Variants in LRRC63 observed in about 807,000 individuals in gnomAD.
The protein encoded by LRRC63 is leucine-rich repeat-containing protein 63.
In LRRC63, 40 loss-of-function variants were observed where a neutral mutation model predicts 49.5. That is an observed-to-expected ratio of 0.81 (90% CI 0.63 to 1.05). LRRC63 has a LOEUF of 1.05. Among genes scored for constraint, LRRC63 ranks in the 50% least tolerant of loss-of-function variants. The probability of loss-of-function intolerance (pLI) is 0.00; values close to 1 mark genes in which losing one functional copy is unlikely to be tolerated. For missense variants in LRRC63, 636 were observed against 663.1 expected, an observed-to-expected ratio of 0.96 and a Z score of 0.45; for synonymous variants, 191 against 221.1, an observed-to-expected ratio of 0.86 and a Z score of 1.21.
At chr13:46,221,298 TATGAA>T (rs2138370866) in intron 2 of LRRC63, among the ~76,000 whole-genome samples, 1 of 152,356 alleles carries the variant, frequency 6.6e-6, no homozygotes, top group Admixed American at 6.5e-5. Context: ...ATGATGAACA[TATGAA>T]ATGAAGTCAT....
chr13:46,226,182 CTA>C (rs916480476), intron 2 of LRRC63, among the ~76,000 whole-genome samples: 1 of 151,794 alleles, frequency 6.6e-6, no homozygotes, highest in Non-Finnish European at 1.5e-5. Flanking sequence ...AGGAGTATTG[CTA>C]TGTTGCCCAG....
At chr13:46,220,803 G>A (rs1313381719) in intron 2 of LRRC63, among the ~76,000 whole-genome samples, 2 of 152,124 alleles carry the variant, frequency 1.3e-5, no homozygotes, top group Non-Finnish European at 2.9e-5. Context: ...ATAGTTTTTG[G>A]GTTGGAGTGC....
intron 9 of LRRC63, among the ~76,000 whole-genome samples, chr13:46,273,601 T>TAAAAAAA (rs66994107): frequency 9.1e-6 from 1 of 109,466 alleles, no homozygotes; most frequent in Admixed American, 9.9e-5. Context: ...GAATCTGCCT[T>TAAAAAAA]AAAAAAAAAA....
chr13:46,241,630 A>G (rs2047064950), intron 5 of LRRC63, among the ~76,000 whole-genome samples: 2 of 152,218 alleles, frequency 1.3e-5, no homozygotes, highest in Admixed American at 1.3e-4. Context: ...TTACAAAAGA[A>G]AAACAAACAA....
Position 46,268,441 on chromosome 13 carries a change from G to A in LRRC63, c.1550+1469G>A, listed in dbSNP as rs117884844. Among the ~76,000 whole-genome samples, 29 of 152,154 alleles carry A rather than the reference G, an allele frequency of 1.9e-4. No individual in the cohort carries two copies. In the East Asian group the frequency reaches 4.4e-3, roughly 23 times the overall value. On this transcript the variant is annotated intron_variant, in intron 9 of 9. Transcript: ENST00000595396. ...TAGAAGTAATAAAAGATATGAATTC[G>A]CAGACATCATCGGGAGCTCTATAAA...
intron 9 of LRRC63, chr13:46,270,475 T>C (rs773351322): frequency 1.1e-5 from 9 of 786,014 alleles, no homozygotes; most frequent in Non-Finnish European, 1.9e-5. Flanking sequence ...CCATCTATTC[T>C]TCAAGAAAAG....
intron 7 of LRRC63, among the ~76,000 whole-genome samples, chr13:46,251,932 T>C (rs1340619827): frequency 6.6e-6 from 1 of 151,962 alleles, no homozygotes; most frequent in Non-Finnish European, 1.5e-5. Context: ...CAAATAAGTA[T>C]GAATTGTTGA....
At chr13:46,255,137 A>ATT (rs146740364) in intron 7 of LRRC63, among the ~76,000 whole-genome samples, 11,360 of 152,192 alleles carry the variant, frequency 0.075, 1,379 homozygotes, top group African/African-American at 0.26. Context: ...CCTTGAAAAC[A>ATT]TTATGCTAGG....
intron 2 of LRRC63, among the ~76,000 whole-genome samples, chr13:46,219,413 G>A (rs1403621989): frequency 6.6e-6 from 1 of 152,116 alleles, no homozygotes; most frequent in Non-Finnish European, 1.5e-5. Context: ...ACTTGTGTAT[G>A]CTTCACGAAG....
chr13:46,276,638 T>A, exon 10 of LRRC63: 1 of 1,231,446 alleles, frequency 8.1e-7, no homozygotes, highest in East Asian at 3.2e-5. Context: ...GTGAAGGTTT[T>A]CGTGTCATCC....
At chr13:46,228,075 C>T (rs1000965477) in exon 3 of LRRC63, 108 of 1,550,840 alleles carry the variant, frequency 7.0e-5, no homozygotes, top group Non-Finnish European at 8.7e-5. Context: ...AGGACAGTGG[C>T]CTGAACATTT....
intron 2 of LRRC63, among the ~76,000 whole-genome samples, chr13:46,213,328 A>C (rs2046149482): frequency 6.6e-6 from 1 of 152,214 alleles, no homozygotes. Flanking sequence ...TCATCGATAA[A>C]ATTTACTTGT....
chr13:46,254,985 T>TCAAAC (rs1380858336), intron 7 of LRRC63, among the ~76,000 whole-genome samples: 3 of 152,200 alleles, frequency 2.0e-5, no homozygotes, highest in African/African-American at 7.2e-5. Context: ...TTGTTTTTAT[T>TCAAAC]CGCAATAATC....
Position 46,255,645 on chromosome 13 carries a change from A to AAAAAAAAAAAAAAAATAT in LRRC63, c.1226+5155_1226+5156insAAAAAAAAAAAAAATATA, listed in dbSNP as rs1555328641. ...GGCAACAGAGTAAGACCCTGCCTCA[A>AAAAAAAAAAAAAAAATAT]ATATATATATATATATATATAGTTA... On this transcript the variant is annotated intron_variant, in intron 7 of 9. Transcript: ENST00000595396. 8.3e-3 allele frequency among the ~76,000 whole-genome samples: 1,078 copies of AAAAAAAAAAAAAAAATAT among 129,274 alleles called. 23 individuals carry two copies. The highest frequency in any genetic ancestry group is 0.03 in the African/African-American group (1,031 of 34,186). 84.8% of individuals were successfully genotyped at this position (129,274 alleles called of 152,430 possible).
In LRRC63 at chr13:46,227,850, A is replaced by G. The variant is rs758227084; in HGVS notation, c.424A>G (p.Thr142Ala). ...GTTTAAAACTATGAAAGATGTTTATACTGAAAAAAGGCTAGAAAACATTTT... is the reference window on the plus strand; with the variant it reads ...GTTTAAAACTATGAAAGATGTTTATGCTGAAAAAAGGCTAGAAAACATTTT... The change falls in exon 3 of 10, where the codon ACT becomes GCT. Residue 142 changes from threonine to alanine, a missense_variant. Coordinates refer to ENST00000595396, the Ensembl canonical transcript of LRRC63. 1.2e-5 allele frequency: 19 copies of G among 1,550,424 alleles called. No individual in the cohort carries two copies. The South Asian group carries it at 2.3e-4, about 18-fold the overall frequency.
intron 5 of LRRC63, among the ~76,000 whole-genome samples, chr13:46,242,697 G>C (rs2047097538): frequency 6.6e-6 from 1 of 151,488 alleles, no homozygotes; most frequent in African/African-American, 2.4e-5. Flanking sequence ...GTTCAACAGA[G>C]CCCCAGTACA....
Position 46,260,762 on chromosome 13 carries a change from G to A in LRRC63, c.1227-1147G>A, listed in dbSNP as rs190409050. 5.3e-5 allele frequency among the ~76,000 whole-genome samples: 8 copies of A among 152,278 alleles called. No individual in the cohort carries two copies. In the East Asian group the frequency reaches 1.5e-3, roughly 29 times the overall value. On this transcript the variant is annotated intron_variant, in intron 7 of 9. Transcript: ENST00000595396. ...AGATATGTGATAACTGGTTAATTCA[G>A]GGAATTTTAGCAAATAAATGCTGGA... is the stretch of plus-strand genomic sequence containing the variant.
exon 10 of LRRC63, chr13:46,276,828 GTATATATA>G (rs375853565): frequency 1.5e-5 from 2 of 137,174 alleles, no homozygotes; most frequent in Non-Finnish European, 1.3e-5. Flanking sequence ...GTATGTGTGT[GTATATATA>G]TATATATATA....
At position 46,246,580 on chromosome 13, in the gene LRRC63, A is replaced by AT. The variant is rs2047219355; in HGVS notation, c.1045dup (p.Tyr349LeufsTer3). 6.8e-7 allele frequency: 1 copy of AT among 1,473,594 alleles called. No individual in the cohort carries two copies. The highest frequency in any genetic ancestry group is 9.0e-7 in the Non-Finnish European group (1 of 1,116,842). 91.3% of individuals were successfully genotyped at this position (1,473,594 alleles called of 1,614,324 possible). A position where few individuals can be genotyped will look rare whatever the true frequency, so the allele number is the denominator to read the frequency against. On this transcript the variant is annotated frameshift_variant, in exon 6 of 10. Coordinates refer to ENST00000595396, the Ensembl canonical transcript of LRRC63. LOFTEE classifies it high-confidence loss of function. ...TAACACCTTTGGCTTTCCAGTTGATATATCTTAATTTATCATTTAATGATC... is the reference window on the plus strand; with the variant it reads ...TAACACCTTTGGCTTTCCAGTTGATATTATCTTAATTTATCATTTAATGATC...
Sources: gnomAD v4.1 joint callset for allele counts (sites outside exome capture counted in the v4.1 genomes callset) on GRCh38, gnomAD v4.1.1 for gene constraint, MANE v1.5 for transcripts, NCBI Gene and HGNC (gene_info 2026-07-23, HGNC 2026-07-21) for gene names.